The following WNT2B variants were observed in gnomAD, a reference collection of about 807,000 sequenced individuals.
The protein encoded by WNT2B is protein Wnt-2b.
WNT2B carries 19 observed loss-of-function variants against 40.5 expected under a neutral mutation model. The ratio of observed to expected loss-of-function variants is 0.47; its 90% confidence interval spans 0.33 to 0.69. The LOEUF (loss-of-function observed/expected upper bound fraction) is 0.69, where lower values mean the gene tolerates loss of function less well. WNT2B is among the 30% of genes least tolerant of loss of function. The pLI is 0.02. For missense variants in WNT2B, 467 were observed against 556.4 expected, an observed-to-expected ratio of 0.84 and a Z score of 1.62; for synonymous variants, 220 against 211.9, an observed-to-expected ratio of 1.04 and a Z score of -0.33.
chr1:112,471,057 C>T (rs993986800), intron 1 of WNT2B, among the ~76,000 whole-genome samples: 6 of 152,202 alleles, frequency 3.9e-5, no homozygotes, highest in Non-Finnish European at 5.9e-5. Context: ...CTGTAACCCT[C>T]TGAGTGGACA....
chr1:112,476,489 A>G (rs940272069), intron 1 of WNT2B, among the ~76,000 whole-genome samples: 2 of 152,186 alleles, frequency 1.3e-5, no homozygotes, highest in Non-Finnish European at 1.5e-5. Flanking sequence ...GCAGAGTACA[A>G]TGAAAAACTT....
Position 112,509,183 on chromosome 1 carries a change from G to C in WNT2B, c.-80G>C, listed in dbSNP as rs1171324066. The C allele has an allele frequency of 7.1e-7, 1 of 1,410,754 alleles. No individual in the cohort carries two copies. The highest frequency in any genetic ancestry group is 9.1e-7 in the Non-Finnish European group (1 of 1,093,494). 87.4% of individuals were successfully genotyped at this position (1,410,754 alleles called of 1,614,324 possible). A position where few individuals can be genotyped will look rare whatever the true frequency, so the allele number is the denominator to read the frequency against. ...ACACCATGGCCCCCCAGGGGGGTGA[G>C]GTAGGAGCAGCCTGAGTACCCCCAG... On this transcript the variant is annotated 5_prime_UTR_variant, in exon 1 of 5. Coordinates refer to ENST00000369684, the MANE Select transcript of WNT2B (RefSeq NM_024494.3). The surrounding 1 kb of genome is among the most constrained non-coding windows in gnomAD (Gnocchi z 4.2).
At chr1:112,475,704 A>C (rs1651035247) in intron 1 of WNT2B, among the ~76,000 whole-genome samples, 1 of 152,204 alleles carries the variant, frequency 6.6e-6, no homozygotes, top group Non-Finnish European at 1.5e-5. Flanking sequence ...AAACAAAACT[A>C]ATAAGGCAAC....
At chr1:112,516,992 C>G (rs1034321491) in intron 3 of WNT2B, 129 bp from the exon 4 acceptor site, 2 of 1,264,698 alleles carry the variant, frequency 1.6e-6, no homozygotes, top group African/African-American at 3.0e-5. Context: ...GGGAGAGAAC[C>G]GAGAGCTCAA....
In WNT2B at chr1:112,522,424, G is replaced by C. The variant is rs1017558209; in HGVS notation, c.*1915G>C. ...GGTCTAGCCCATCATGACTTCTCTA[G>C]GAACAGTCCTTCTTTAGGACTATAA... On this transcript the variant is annotated 3_prime_UTR_variant, in exon 5 of 5. Coordinates refer to ENST00000369684, the MANE Select transcript of WNT2B (RefSeq NM_024494.3). The C allele has an allele frequency of 1.3e-5, 2 of 152,216 alleles. No homozygotes were observed. Among genetic ancestry groups the C allele is most frequent in the African/African-American group, 4.8e-5 (2 of 41,464 alleles). The allele number at this position is 152,216 out of a possible 1,614,324, so 9.4% of individuals were successfully genotyped here.
At chr1:112,489,251 G>A (rs1651519525) in intron 1 of WNT2B, among the ~76,000 whole-genome samples, 1 of 150,220 alleles carries the variant, frequency 6.7e-6, no homozygotes, top group African/African-American at 2.4e-5. Flanking sequence ...ACATGAGAGT[G>A]TAAAAAAAAG....
chr1:112,473,878 A>G (rs1650969694), intron 1 of WNT2B, among the ~76,000 whole-genome samples: 2 of 150,800 alleles, frequency 1.3e-5, no homozygotes, highest in Non-Finnish European at 3.0e-5. Flanking sequence ...AACACAGTGA[A>G]ACCCCATCTC....
chr1:112,507,737 T>C (rs1652159354), upstream of WNT2B, among the ~76,000 whole-genome samples: 1 of 152,150 alleles, frequency 6.6e-6, no homozygotes. Flanking sequence ...TAGTAAGTTG[T>C]TTACCCCAGG....
Position 112,514,960 on chromosome 1 carries a change from C to T in WNT2B, c.269C>T (p.Pro90Leu). 6.2e-7 allele frequency: 1 copy of T among 1,614,224 alleles called. No homozygotes were observed. Among genetic ancestry groups the T allele is most frequent in the Non-Finnish European group, 8.5e-7 (1 of 1,180,046 alleles). ...CAGCGGCAGCTGTGCCAGCGTTACCCAGACATCATGCGTTCAGTGGGCGAG... is the reference window on the plus strand; with the variant it reads ...CAGCGGCAGCTGTGCCAGCGTTACCTAGACATCATGCGTTCAGTGGGCGAG... ...SRQRQLCQRY[P>L]DIMRSVGEGA... is the part of the protein sequence containing the mutation. The change falls in exon 2 of 5, where the codon CCA (proline) becomes CTA (leucine). Residue 90 changes from proline (P) to leucine (L), a missense_variant. This residue lies in a region of WNT2B where 330 missense variants were observed against 438.6 expected (regional missense o/e 0.75). Coordinates refer to ENST00000369684, the MANE Select transcript of WNT2B (RefSeq NM_024494.3).
At chr1:112,486,463 G>A (rs1373843819) in intron 1 of WNT2B, among the ~76,000 whole-genome samples, 1 of 151,852 alleles carries the variant, frequency 6.6e-6, no homozygotes, top group African/African-American at 2.4e-5. Context: ...CAAAACAAAA[G>A]AACATACCAA....
At chr1:112,517,595 G>A (rs1344798512) in intron 4 of WNT2B, among the ~76,000 whole-genome samples, 4 of 152,222 alleles carry the variant, frequency 2.6e-5, no homozygotes, top group Admixed American at 6.5e-5. Flanking sequence ...TCAGCTCCTT[G>A]AGGCCTGAGG....
At position 112,524,267 on chromosome 1, in the gene WNT2B, GTCTT is replaced by G. The variant is rs1228005526; in HGVS notation, c.*3762_*3765del. 5 of 152,460 alleles carry G rather than the reference GTCTT, an allele frequency of 3.3e-5. No homozygotes were observed. The highest frequency in any genetic ancestry group is 1.9e-4 in the East Asian group (1 of 5,174). 9.4% of individuals were successfully genotyped at this position (152,460 alleles called of 1,614,324 possible). A position where few individuals can be genotyped will look rare whatever the true frequency, so the allele number is the denominator to read the frequency against. On this transcript the variant is annotated 3_prime_UTR_variant, in exon 5 of 5. Coordinates refer to ENST00000369684, the MANE Select transcript of WNT2B (RefSeq NM_024494.3). The stretch of plus-strand genomic sequence containing the variant: ...GATAATTAGGATTTTTTTTTCCTCA[GTCTT>G]TCTGAGGTTTTTATTTAAATGCACT...
At chr1:112,517,750 C>G (rs750652440) in intron 4 of WNT2B, 3 of 188,044 alleles carry the variant, frequency 1.6e-5, no homozygotes, top group Non-Finnish European at 3.3e-5. Context: ...TTTGGCTCTT[C>G]GCAATCTACT....
At chr1:112,503,706 A>G (rs112788151) in intron 1 of WNT2B, among the ~76,000 whole-genome samples, 4,206 of 152,266 alleles carry the variant, frequency 0.028, 72 homozygotes, top group Middle Eastern at 0.072. Flanking sequence ...GGCAAGAGAC[A>G]GGGATTCAGA....
upstream of WNT2B, among the ~76,000 whole-genome samples, chr1:112,505,718 A>G (rs1442408821): frequency 2.0e-5 from 3 of 152,212 alleles, no homozygotes; most frequent in Non-Finnish European, 4.4e-5. Flanking sequence ...CTCTGGCTCC[A>G]TATTTGTTCT....
At chr1:112,499,376 T>G (rs570636975) in intron 1 of WNT2B, among the ~76,000 whole-genome samples, 34 of 152,240 alleles carry the variant, frequency 2.2e-4, no homozygotes, top group African/African-American at 7.9e-4. Flanking sequence ...GACTAATATC[T>G]CTCATGAACA....
At position 112,529,336 on chromosome 1, in the gene WNT2B, T is replaced by G. The variant is rs970621873; in HGVS notation, c.*8827T>G. On this transcript the variant is annotated 3_prime_UTR_variant, in exon 5 of 5. Coordinates refer to ENST00000369684, the MANE Select transcript of WNT2B (RefSeq NM_024494.3). The stretch of plus-strand genomic sequence containing the variant: ...GTTCTCTTCCCTCCCCTAGGTAGTT[T>G]ATAAAGGGTGATTTCTGAAACCCTT... The G allele has an allele frequency of 1.3e-5, 2 of 152,186 alleles. No individual in the cohort carries two copies. The highest frequency in any genetic ancestry group is 4.8e-5 in the African/African-American group (2 of 41,432). The allele number at this position is 152,186 out of a possible 1,614,324, so 9.4% of individuals were successfully genotyped here. A position where few individuals can be genotyped will look rare whatever the true frequency, so the allele number is the denominator to read the frequency against.
intron 1 of WNT2B, among the ~76,000 whole-genome samples, chr1:112,483,213 CACACACACATAT>C (rs1159046335): frequency 1.7e-3 from 111 of 65,570 alleles, no homozygotes; most frequent in Non-Finnish European, 2.4e-3. Flanking sequence ...CACACACACA[CACACACACATAT>C]ACACACACAC....
chr1:112,513,307 G>C (rs952160358), intron 1 of WNT2B, among the ~76,000 whole-genome samples: 1 of 152,184 alleles, frequency 6.6e-6, no homozygotes, highest in African/African-American at 2.4e-5. Flanking sequence ...GCCCTGTCTG[G>C]GGTGTTTATT....
Sources: gnomAD v4.1 joint callset for allele counts (sites outside exome capture counted in the v4.1 genomes callset) on GRCh38, gnomAD v4.1.1 for gene constraint, gnomAD v4.1.1 regional missense constraint, Gnocchi (gnomAD v3.1) non-coding constraint, MANE v1.5 for transcripts, NCBI Gene and HGNC (gene_info 2026-07-23, HGNC 2026-07-21) for gene names.